TMPRSS15: variants seen among roughly 807,000 people sequenced by gnomAD.
The protein encoded by TMPRSS15 is transmembrane serine protease 15.
A neutral mutation model predicts 125.3 loss-of-function variants in TMPRSS15; 128 were observed. The observed-to-expected ratio is 1.02, with a 90% confidence interval of 0.89 to 1.18. The LOEUF (loss-of-function observed/expected upper bound fraction) is 1.18, where lower values mean the gene tolerates loss of function less well. Among genes scored for constraint, TMPRSS15 ranks in the 50% most tolerant of loss-of-function variants. TMPRSS15 has a pLI of 0.00. For synonymous variants in TMPRSS15, 446 were observed against 423.2 expected (o/e 1.05, Z -0.66); for missense variants, 1,283 against 1,212.7 (o/e 1.06, Z -0.86).
chr21:18,382,437 G>A (rs2123052598), intron 4 of TMPRSS15, among the ~76,000 whole-genome samples: 1 of 152,186 alleles, frequency 6.6e-6, no homozygotes, highest in Non-Finnish European at 1.5e-5. Flanking sequence ...CATGTTGCAG[G>A]AGACTCAATC....
intron 10 of TMPRSS15, among the ~76,000 whole-genome samples, chr21:18,348,906 C>A (rs758895573): frequency 6.6e-6 from 1 of 152,136 alleles, no homozygotes; most frequent in Non-Finnish European, 1.5e-5. Context: ...CTAAACATAG[C>A]AATCAATTTA....
intron 10 of TMPRSS15, among the ~76,000 whole-genome samples, chr21:18,345,713 C>T (rs7283085): frequency 0.94 from 106,176 of 112,930 alleles, 50,397 homozygotes; most frequent in East Asian, 1. Context: ...TGCACTCCAG[C>T]CTAGGCGACA....
upstream of TMPRSS15, among the ~76,000 whole-genome samples, chr21:18,406,476 T>C (rs1266338189): frequency 5.3e-5 from 8 of 152,024 alleles, no homozygotes; most frequent in African/African-American, 1.7e-4. Context: ...TTAAAGAGAT[T>C]TTCTATTGAC....
intron 6 of TMPRSS15, among the ~76,000 whole-genome samples, chr21:18,369,973 C>CAAAAAAAAAAAAAAAAAAAAAAA (rs148057792): frequency 7.4e-6 from 1 of 136,014 alleles, no homozygotes; most frequent in Admixed American, 7.4e-5. Context: ...CTTACTTAAA[C>CAAAAAAAAAAAAAAAAAAAAAAA]GAAAAAAAAA....
intron 19 of TMPRSS15, among the ~76,000 whole-genome samples, chr21:18,295,905 C>T (rs2074901146): frequency 6.6e-6 from 1 of 152,182 alleles, no homozygotes; most frequent in African/African-American, 2.4e-5. Flanking sequence ...GTAACTCCAG[C>T]ACTTTGGGAG....
intron 18 of TMPRSS15, among the ~76,000 whole-genome samples, chr21:18,307,666 T>A (rs2824727): frequency 0.16 from 23,613 of 152,080 alleles, 2,479 homozygotes; most frequent in African/African-American, 0.29. Context: ...GGAATAATAA[T>A]AATATATTTA....
intron 1 of TMPRSS15, among the ~76,000 whole-genome samples, chr21:18,434,866 T>G (rs1365157349): frequency 6.6e-6 from 1 of 152,080 alleles, no homozygotes; most frequent in Admixed American, 6.6e-5. Flanking sequence ...TCTAGCCTTA[T>G]ATAATTATAA....
intron 24 of TMPRSS15, among the ~76,000 whole-genome samples, chr21:18,274,473 T>G (rs1043778122): frequency 2.0e-5 from 3 of 152,346 alleles, no homozygotes; most frequent in Non-Finnish European, 2.9e-5. Flanking sequence ...TGGCAAGATA[T>G]TTCAGTGAAG....
At chr21:18,483,911 C>A (rs967092199) in intron 1 of TMPRSS15, among the ~76,000 whole-genome samples, 6 of 151,738 alleles carry the variant, frequency 4.0e-5, no homozygotes, top group South Asian at 2.1e-4. Flanking sequence ...TATGGATAAC[C>A]AATATGCCAA....
At chr21:18,334,671 C>G (rs1171121395) in intron 13 of TMPRSS15, among the ~76,000 whole-genome samples, 1 of 152,102 alleles carries the variant, frequency 6.6e-6, no homozygotes, top group Non-Finnish European at 1.5e-5. Context: ...CTGAGAATTA[C>G]AGATATTCAC....
Position 18,294,573 on chromosome 21 carries a change from G to C in TMPRSS15, c.2311+30C>G, listed in dbSNP as rs746037972. The stretch of plus-strand genomic sequence containing the variant: ...ATTCAGAATTTTAAACAGAATGCTT[G>C]AAGTGGGATATGACAACATATTTAC... On this transcript the variant is annotated intron_variant, in intron 20 of 24. Coordinates refer to ENST00000284885, the MANE Select transcript of TMPRSS15 (RefSeq NM_002772.3). The C allele has an allele frequency of 8.1e-6, 13 of 1,606,704 alleles. No homozygotes were observed. The South Asian group carries it at 1.2e-4, about 15-fold the overall frequency.
intron 1 of TMPRSS15, among the ~76,000 whole-genome samples, chr21:18,459,102 G>T (rs1268475394): frequency 6.6e-6 from 1 of 151,986 alleles, no homozygotes; most frequent in African/African-American, 2.4e-5. Context: ...AAGTGTACAA[G>T]GTCAAGTTTA....
intron 21 of TMPRSS15, among the ~76,000 whole-genome samples, chr21:18,288,495 A>T (rs1335978326): frequency 1.3e-5 from 2 of 151,142 alleles, no homozygotes; most frequent in South Asian, 2.1e-4. Flanking sequence ...CATTTAAAAG[A>T]GAAGTCTCTA....
At chr21:18,355,070 T>C (rs1444340738) in intron 8 of TMPRSS15, among the ~76,000 whole-genome samples, 1 of 151,882 alleles carries the variant, frequency 6.6e-6, no homozygotes, top group African/African-American at 2.4e-5. Flanking sequence ...GTGTCATGCA[T>C]TCAATGTTTT....
intron 6 of TMPRSS15, among the ~76,000 whole-genome samples, chr21:18,365,677 TCC>T (rs2075727388): frequency 2.9e-5 from 4 of 137,978 alleles, no homozygotes; most frequent in African/African-American, 1.1e-4. Context: ...CTTCCTTCCT[TCC>T]TTCCTTCCTT....
chr21:18,303,518 A>G (rs2074996041), intron 18 of TMPRSS15, among the ~76,000 whole-genome samples: 1 of 152,208 alleles, frequency 6.6e-6, no homozygotes, highest in Admixed American at 6.5e-5. Context: ...ACTTTTTAGA[A>G]TAAAAGCAGA....
At chr21:18,296,361 A>C (rs1300766174) in intron 19 of TMPRSS15, among the ~76,000 whole-genome samples, 1 of 152,214 alleles carries the variant, frequency 6.6e-6, no homozygotes, top group Non-Finnish European at 1.5e-5. Flanking sequence ...TAACCAAATA[A>C]ATAAATGAAC....
chr21:18,400,434 C>A (rs1451757261), intron 1 of TMPRSS15, among the ~76,000 whole-genome samples: 1 of 152,110 alleles, frequency 6.6e-6, no homozygotes, highest in Non-Finnish European at 1.5e-5. Flanking sequence ...TACACATCTA[C>A]AGCCATCTAA....
chr21:18,284,494 C>T (rs1235422921), intron 21 of TMPRSS15, among the ~76,000 whole-genome samples: 1 of 152,130 alleles, frequency 6.6e-6, no homozygotes, highest in African/African-American at 2.4e-5. Flanking sequence ...AACTTCCTAG[C>T]TTTTTTATAT....
Sources: gnomAD v4.1 joint callset for allele counts (sites outside exome capture counted in the v4.1 genomes callset) on GRCh38, gnomAD v4.1.1 for gene constraint, MANE v1.5 for transcripts, NCBI Gene and HGNC (gene_info 2026-07-23, HGNC 2026-07-21) for gene names.